MACF1: variants seen among roughly 807,000 people sequenced by gnomAD.
The protein encoded by MACF1 is microtubule actin crosslinking factor 1.
A neutral mutation model predicts 854.8 loss-of-function variants in MACF1; 193 were observed. The observed-to-expected ratio is 0.23, with a 90% CI of 0.20 to 0.25. The LOEUF (loss-of-function observed/expected upper bound fraction) is 0.25. Among genes scored for constraint, MACF1 ranks in the 10% least tolerant of loss-of-function variants. The probability of loss-of-function intolerance (pLI) is 1.00; values close to 1 mark genes in which losing one functional copy is unlikely to be tolerated. For synonymous variants in MACF1, 3,185 were observed against 3,226.7 expected (o/e 0.99, Z 0.44); for missense variants, 7,722 against 8,929.1 (o/e 0.86, Z 5.45).
At position 39,332,552 on chromosome 1, in the gene MACF1, G is replaced by A. The variant is rs1435737246; in HGVS notation, c.5964G>A (p.Leu1988=). ...GQRLLLLDKE[L]METLTSRDEY... ...GGCTGCTTCTGTTAGATAAAGAGCTGATGGAGACACTAACATCCAGAGATG... is the reference window on the plus strand; with the variant it reads ...GGCTGCTTCTGTTAGATAAAGAGCTAATGGAGACACTAACATCCAGAGATG... The change falls in exon 37 of 101, where the codon CTG becomes CTA. Residue 1988 remains leucine (L), a synonymous_variant. Transcript: ENST00000564288. The A allele has an allele frequency of 1.2e-6, 2 of 1,614,146 alleles. No individual in the cohort carries two copies. The highest frequency in any genetic ancestry group is 3.3e-5 in the Admixed American group (2 of 60,026).
chr1:39,331,200 T>TA lies in MACF1; in HGVS notation c.4615-2dup, dbSNP rs1553261463. On this transcript the variant is annotated splice_polypyrimidine_tract_variant and splice_region_variant and intron_variant, in intron 36 of 100. Coordinates refer to ENST00000564288, the MANE Select transcript of MACF1 (RefSeq NM_001394062.1). Reference sequence around the variant, plus strand: ...TTTTTTTTTTTTTTTTTTTTTTTTTTAGGAATGCAGAGCAGTTGCTGGGGT... The same window carrying TA: ...TTTTTTTTTTTTTTTTTTTTTTTTTTAAGGAATGCAGAGCAGTTGCTGGGGT... The TA allele has an allele frequency of 1.8e-6, 2 of 1,122,970 alleles. No homozygotes were observed. The highest frequency in any genetic ancestry group is 1.2e-6 in the Non-Finnish European group (1 of 866,286). The allele number at this position is 1,122,970 out of a possible 1,614,324, so 69.6% of individuals were successfully genotyped here.
At chr1:39,213,892 T>C (rs1181830966) in intron 1 of MACF1, among the ~76,000 whole-genome samples, 1 of 152,156 alleles carries the variant, frequency 6.6e-6, no homozygotes, top group Non-Finnish European at 1.5e-5. Flanking sequence ...AGAACCTTTA[T>C]TAGTAAGCAG....
intron 58 of MACF1, among the ~76,000 whole-genome samples, chr1:39,417,415 C>G (rs1643356820): frequency 6.6e-6 from 1 of 152,102 alleles, no homozygotes; most frequent in African/African-American, 2.4e-5. Flanking sequence ...TCTTTTTAAG[C>G]AAAAATTGGA....
chr1:39,210,117 G>C (rs1309889362), intron 1 of MACF1, among the ~76,000 whole-genome samples: 1 of 151,706 alleles, frequency 6.6e-6, no homozygotes, highest in Non-Finnish European at 1.5e-5. Flanking sequence ...AAGACTTACA[G>C]GTATTCTAGT....
chr1:39,406,350 G>A (rs544951335), intron 58 of MACF1, among the ~76,000 whole-genome samples: 1 of 152,118 alleles, frequency 6.6e-6, no homozygotes, highest in Admixed American at 6.5e-5. Flanking sequence ...ACATGGGAGG[G>A]AATTATTTAA....
chr1:39,268,489 G>C (rs1423999318), intron 6 of MACF1: 2 of 1,149,802 alleles, frequency 1.7e-6, no homozygotes, highest in Non-Finnish European at 2.2e-6. Context: ...TCTTGTTGCA[G>C]CTCTGAGCCT....
chr1:39,302,649 CT>C (rs1288728260), intron 22 of MACF1, among the ~76,000 whole-genome samples: 1 of 152,102 alleles, frequency 6.6e-6, no homozygotes, highest in East Asian at 1.9e-4. Context: ...CCTTTATAGT[CT>C]TATTATAACT....
At chr1:39,386,666 G>A (rs578038023) in intron 57 of MACF1, among the ~76,000 whole-genome samples, 14 of 152,234 alleles carry the variant, frequency 9.2e-5, no homozygotes, top group African/African-American at 1.9e-4. Flanking sequence ...TCTTGACCTC[G>A]TGATCTGCCC....
intron 3 of MACF1, among the ~76,000 whole-genome samples, chr1:39,251,117 G>T (rs1222087224): frequency 6.6e-6 from 1 of 152,132 alleles, no homozygotes; most frequent in East Asian, 1.9e-4. Flanking sequence ...GTGATATTCA[G>T]CTCCTTCTAG....
chr1:39,092,248 G>T (rs1641826718), intron 2 of MACF1, among the ~76,000 whole-genome samples: 1 of 152,200 alleles, frequency 6.6e-6, no homozygotes, highest in Non-Finnish European at 1.5e-5. Context: ...AGAACAGCTG[G>T]TGAGAATTAG....
At chr1:39,269,394 C>T in intron 6 of MACF1, 2 of 1,289,780 alleles carry the variant, frequency 1.6e-6, no homozygotes, top group Admixed American at 2.3e-5. Flanking sequence ...TTCAGGTGCC[C>T]CTCAGACAGC....
chr1:39,450,296 G>A (rs1318498484), intron 84 of MACF1, among the ~76,000 whole-genome samples: 1 of 117,924 alleles, frequency 8.5e-6, no homozygotes, highest in Non-Finnish European at 1.8e-5. Context: ...CACTTGGCCT[G>A]TACTCCAATT....
chr1:39,287,415 A>G lies in MACF1; in HGVS notation c.1638A>G (p.Glu546=). The G allele has an allele frequency of 6.2e-7, 1 of 1,614,138 alleles. No homozygotes were observed. The highest frequency in any genetic ancestry group is 8.5e-7 in the Non-Finnish European group (1 of 1,180,018). ...TAACCACCACTCATCTGAAAGCAGA[A>G]CCCTTAACCAAGGCAACCCATTCTT... ...STLTTTHLKA[E]PLTKATHSSS... is the part of the protein sequence containing the mutation. The change falls in exon 15 of 101, where the codon GAA becomes GAG. Residue 546 remains glutamate, a synonymous_variant. Coordinates refer to ENST00000564288, the MANE Select transcript of MACF1 (RefSeq NM_001394062.1).
At chr1:39,350,692 A>G (rs1647159407) in intron 42 of MACF1, 93 bp from the exon 43 acceptor site, 5 of 850,440 alleles carry the variant, frequency 5.9e-6, no homozygotes, top group African/African-American at 1.7e-5. Flanking sequence ...ATACAGGACT[A>G]TATGTCATCC....
At chr1:39,468,980 A>G (rs1446405693) in intron 96 of MACF1, among the ~76,000 whole-genome samples, 2 of 152,180 alleles carry the variant, frequency 1.3e-5, no homozygotes, top group African/African-American at 4.8e-5. Flanking sequence ...TTAAGAGTGT[A>G]TTGGTGTTAC....
chr1:39,426,162 G>T (rs528601552), intron 61 of MACF1, among the ~76,000 whole-genome samples: 1 of 152,074 alleles, frequency 6.6e-6, no homozygotes, highest in Non-Finnish European at 1.5e-5. Flanking sequence ...GTATGTTTTA[G>T]TTGCATTACT....
Position 39,333,466 on chromosome 1 carries a change from T to G in MACF1, c.6878T>G (p.Leu2293Arg). ...ATLNVLSAQL[L>R]DGGIFHEQTG... ...TTAAATGTATTATCTGCACAGTTACTAGATGGTGGTATCTTTCATGAACAA... is the reference window on the plus strand; with the variant it reads ...TTAAATGTATTATCTGCACAGTTACGAGATGGTGGTATCTTTCATGAACAA... Residue 2293 changes from leucine (L) to arginine (R), a missense_variant, in exon 37 of 101, where the codon CTA (leucine) becomes CGA (arginine). Leu to Arg is a moderately radical substitution (Grantham distance 102). Transcript: ENST00000564288. 6.2e-7 allele frequency: 1 copy of G among 1,614,194 alleles called. No individual in the cohort carries two copies. The highest frequency in any genetic ancestry group is 1.1e-5 in the South Asian group (1 of 91,084).
chr1:39,346,068 G>GA (rs547745127), intron 40 of MACF1, among the ~76,000 whole-genome samples: 8,558 of 121,202 alleles, frequency 0.071, 298 homozygotes, highest in African/African-American at 0.11. Flanking sequence ...GACTCTGTTT[G>GA]AAAAAAAAAA....
chr1:39,439,576 ATGT>A, intron 72 of MACF1, 76 bp downstream of exon 72: 1 of 1,168,308 alleles, frequency 8.6e-7, no homozygotes, highest in Non-Finnish European at 1.2e-6. Flanking sequence ...AAAGTGAGGT[ATGT>A]TAACTGCTTA....
Sources: gnomAD v4.1 joint callset for allele counts (sites outside exome capture counted in the v4.1 genomes callset) on GRCh38, gnomAD v4.1.1 for gene constraint, MANE v1.5 for transcripts, NCBI Gene and HGNC (gene_info 2026-07-23, HGNC 2026-07-21) for gene names.